SETD5: variants seen among roughly 807,000 people sequenced by gnomAD.
SETD5 encodes SET domain containing 5.
Under a neutral mutation model 153.3 loss-of-function variants are expected in SETD5, and 44 were observed. That is an observed-to-expected ratio of 0.29 (90% CI 0.23 to 0.37). The LOEUF (loss-of-function observed/expected upper bound fraction) is 0.37, where lower values mean the gene tolerates loss of function less well. Ranked by LOEUF, SETD5 falls within the 10% of genes least tolerant of loss-of-function variation. SETD5 has a pLI of 1.00. For synonymous variants in SETD5, 716 were observed against 645.2 expected, an observed-to-expected ratio of 1.11 and a Z score of -1.66; for missense variants, 1,544 against 1,768.0, an observed-to-expected ratio of 0.87 and a Z score of 2.27.
chr3:9,446,494 T>C (rs2042023753), intron 13 of SETD5, among the ~76,000 whole-genome samples: 2 of 143,868 alleles, frequency 1.4e-5, no homozygotes, highest in Admixed American at 6.9e-5. Flanking sequence ...ATTTGATGAC[T>C]TTTTTTTTTT....
At chr3:9,471,227 G>A (rs958856815) in intron 19 of SETD5, among the ~76,000 whole-genome samples, 3 of 152,194 alleles carry the variant, frequency 2.0e-5, no homozygotes, top group African/African-American at 2.4e-5. Flanking sequence ...ACTGTATTAA[G>A]CTCTTTAAAT....
intron 16 of SETD5, among the ~76,000 whole-genome samples, chr3:9,452,803 T>C (rs1044526607): frequency 4.1e-4 from 62 of 151,758 alleles, no homozygotes; most frequent in African/African-American, 1.4e-3. Flanking sequence ...GTATAAATTA[T>C]AATAATTCAC....
At chr3:9,414,130 A>G (rs1394128189) in intron 1 of SETD5, among the ~76,000 whole-genome samples, 2 of 152,198 alleles carry the variant, frequency 1.3e-5, no homozygotes, top group African/African-American at 4.8e-5. Context: ...AGGAATGAGT[A>G]TATGTGCTCA....
Position 9,440,139 on chromosome 3 carries a change from A to G in SETD5, c.568-317A>G, listed in dbSNP as rs559943657. On this transcript the variant is annotated intron_variant, in intron 7 of 22. Coordinates refer to ENST00000402198, the MANE Select transcript of SETD5 (RefSeq NM_001080517.3). ...AACTTGATGTCAGTCCTTTGATTAG[A>G]AAATTGATTTTTATGACTTTAAAAT... is the stretch of plus-strand genomic sequence containing the variant. Among the ~76,000 whole-genome samples the G allele has an allele frequency of 2.6e-5, 4 of 152,220 alleles. 1 individual carries two copies. The highest frequency in any genetic ancestry group is 1.3e-4 in the Admixed American group (2 of 15,278).
chr3:9,425,547 A>G (rs1356749805), intron 2 of SETD5, among the ~76,000 whole-genome samples: 1 of 147,586 alleles, frequency 6.8e-6, no homozygotes, highest in African/African-American at 2.5e-5. Flanking sequence ...TCTTGGGTTT[A>G]TAACTTGTCT....
intron 17 of SETD5, among the ~76,000 whole-genome samples, chr3:9,460,298 C>A (rs954349154): frequency 6.6e-6 from 1 of 150,662 alleles, no homozygotes. Flanking sequence ...GGAGAGTAAA[C>A]TTAATTAGAC....
At position 9,409,084 on chromosome 3, in the gene SETD5, C is replaced by T. The variant is rs142477938; in HGVS notation, c.-177+11107C>T. ...TGGTTGAAGACTGAAGAAAATCTGG[C>T]CTTGTACAGATAATTGGTTGGAAAA... On this transcript the variant is annotated intron_variant, in intron 1 of 22. Transcript: ENST00000402198. 1.3e-3 allele frequency among the ~76,000 whole-genome samples: 201 copies of T among 152,212 alleles called. 4 individuals carry two copies. The East Asian group carries it at 0.024, about 18-fold the overall frequency.
In SETD5 at chr3:9,415,589, T is replaced by A. The variant is rs180838796; in HGVS notation, c.-176-8878T>A. Among the ~76,000 whole-genome samples, 20 of 152,294 alleles carry A rather than the reference T, an allele frequency of 1.3e-4. No homozygotes were observed. In the East Asian group the frequency reaches 1.9e-3, roughly 15 times the overall value. ...TTGCTGTTATTTTATTATTATTATT[T>A]TTTTAATTTTAGAGACAGGATCTCC... On this transcript the variant is annotated intron_variant, in intron 1 of 22. Coordinates refer to ENST00000402198, the MANE Select transcript of SETD5 (RefSeq NM_001080517.3).
chr3:9,436,244 T>A (rs2040554148), intron 7 of SETD5, among the ~76,000 whole-genome samples: 1 of 152,156 alleles, frequency 6.6e-6, no homozygotes, highest in African/African-American at 2.4e-5. Context: ...AACCCCAAAG[T>A]ACAGTCTGAA....
chr3:9,456,539 C>T (rs1460466443), intron 17 of SETD5, among the ~76,000 whole-genome samples: 1 of 151,008 alleles, frequency 6.6e-6, no homozygotes, highest in Non-Finnish European at 1.5e-5. Flanking sequence ...ATAGCAATAC[C>T]TGCTTTATAG....
intron 6 of SETD5, among the ~76,000 whole-genome samples, chr3:9,435,451 A>G (rs901207677): frequency 7.9e-5 from 12 of 152,216 alleles, no homozygotes; most frequent in Non-Finnish European, 1.5e-4. Context: ...AAAATTAGCC[A>G]GTCTCAAATT....
intron 3 of SETD5, 118 bp downstream of exon 3, chr3:9,429,127 AT>A: frequency 1.6e-6 from 1 of 617,062 alleles, no homozygotes; most frequent in Non-Finnish European, 2.8e-6. Flanking sequence ...TTCCACTGTA[AT>A]TAACATTAGA....
intron 18 of SETD5, among the ~76,000 whole-genome samples, chr3:9,467,199 C>CA (rs35894304): frequency 0.1 from 4,071 of 40,862 alleles, 505 homozygotes; most frequent in East Asian, 0.27. Context: ...GACTCTCTCT[C>CA]AAAAAAAAAA....
intron 11 of SETD5, among the ~76,000 whole-genome samples, chr3:9,444,280 A>AATAT (rs2041668797): frequency 6.6e-6 from 1 of 152,192 alleles, no homozygotes; most frequent in African/African-American, 2.4e-5. Flanking sequence ...TTTGGGGCAA[A>AATAT]ATAGAGGTTA....
chr3:9,433,896 C>A lies in SETD5; in HGVS notation c.123C>A (p.Ser41=), dbSNP rs548352059. The A allele has an allele frequency of 2.2e-5, 36 of 1,613,828 alleles. No individual in the cohort carries two copies. In the East Asian group the frequency reaches 7.1e-4, roughly 32 times the overall value. ...CAGTTAATGAGAAGAGCGTGTATTC[C>A]ACTCATAATTATGGGACCACTCAGA... ...SPAVNEKSVY[S]THNYGTTQRH... is the part of the protein sequence containing the mutation. Residue 41 remains serine, a synonymous_variant, in exon 4 of 23, where the codon TCC becomes TCA. Coordinates refer to ENST00000402198, the MANE Select transcript of SETD5 (RefSeq NM_001080517.3).
chr3:9,400,932 C>G (rs764123896), intron 1 of SETD5, among the ~76,000 whole-genome samples: 1 of 152,216 alleles, frequency 6.6e-6, no homozygotes, highest in Non-Finnish European at 1.5e-5. Flanking sequence ...ATATGCAATA[C>G]TGGACATATT....
intron 3 of SETD5, 175 bp from the exon 4 acceptor site, chr3:9,433,670 C>T (rs755605976): frequency 5.0e-5 from 42 of 848,216 alleles, no homozygotes; most frequent in Non-Finnish European, 6.8e-5. Context: ...TAATAACACT[C>T]CTACTGTTAT....
chr3:9,473,228 C>T lies in SETD5; in HGVS notation c.3196-8C>T, dbSNP rs373633825. ...CCGTTTTTTGTTTGTTTGTTTTTTC[C>T]TTTCTAGGTATCCCTGCTGGAGTAC... On this transcript the variant is annotated splice_region_variant and splice_polypyrimidine_tract_variant and intron_variant, in intron 19 of 22. Coordinates refer to ENST00000402198, the MANE Select transcript of SETD5 (RefSeq NM_001080517.3). 2.0e-4 allele frequency: 323 copies of T among 1,604,530 alleles called. 1 individual carries two copies. In the African/African-American group the frequency reaches 4.0e-3, roughly 20 times the overall value.
chr3:9,453,895 T>C, intron 17 of SETD5, 27 bp downstream of exon 17: 2 of 1,500,962 alleles, frequency 1.3e-6, no homozygotes, highest in East Asian at 2.4e-5. Context: ...TTTCTGATTA[T>C]ATGACCAATG....
Sources: allele counts gnomAD v4.1 joint callset (sites outside exome capture counted in the v4.1 genomes callset), GRCh38; gene constraint gnomAD v4.1.1; transcripts MANE v1.5; gene names NCBI Gene and HGNC (gene_info 2026-07-23, HGNC 2026-07-21).